Variants in STK38 observed in about 807,000 individuals in gnomAD.
STK38 encodes the protein serine/threonine-protein kinase 38.
A neutral mutation model predicts 59.0 loss-of-function variants in STK38; 26 were observed. That is an observed-to-expected ratio of 0.44 (90% CI 0.32 to 0.61). The LOEUF is 0.61. STK38 is among the 20% of genes least tolerant of loss of function. STK38 has a pLI of 0.04. For synonymous variants in STK38, 175 were observed against 176.6 expected (o/e 0.99, Z 0.07); for missense variants, 433 against 566.0 (o/e 0.76, Z 2.38).
intron 2 of STK38, among the ~76,000 whole-genome samples, chr6:36,536,500 C>CT (rs1466737626): frequency 6.6e-6 from 1 of 151,882 alleles, no homozygotes; most frequent in Admixed American, 6.6e-5. Context: ...GACCTTGACT[C>CT]TAAAAAAACA....
chr6:36,510,368 A>C (rs1437149996), intron 7 of STK38, among the ~76,000 whole-genome samples: 2 of 152,216 alleles, frequency 1.3e-5, no homozygotes, highest in Admixed American at 1.3e-4. Context: ...CTCGGCCTCA[A>C]CTTTGCTCTG....
intron 9 of STK38, among the ~76,000 whole-genome samples, chr6:36,501,553 C>CTTT (rs61042158): frequency 0.014 from 1,970 of 136,572 alleles, 81 homozygotes; most frequent in East Asian, 0.12. Context: ...GATCATTTGT[C>CTTT]TTTTTTTTTT....
intron 2 of STK38, among the ~76,000 whole-genome samples, chr6:36,538,252 C>T (rs1308032151): frequency 3.3e-5 from 5 of 149,388 alleles, no homozygotes; most frequent in African/African-American, 4.9e-5. Context: ...TACAGTGAGC[C>T]GAGATCACGC....
At chr6:36,506,465 T>C (rs1776964599) in intron 9 of STK38, 118 bp downstream of exon 9, 16 of 1,024,384 alleles carry the variant, frequency 1.6e-5, no homozygotes, top group Non-Finnish European at 2.3e-5. Flanking sequence ...TCTCTTTAGG[T>C]AATCTTAAAA....
intron 3 of STK38, 136 bp from the exon 4 acceptor site, chr6:36,524,599 C>G: frequency 1.2e-6 from 1 of 841,360 alleles, no homozygotes; most frequent in Admixed American, 3.1e-5. Flanking sequence ...CATATGAAAT[C>G]ACCCCAGAAG....
chr6:36,517,390 G>GT (rs576883135), intron 6 of STK38, among the ~76,000 whole-genome samples: 19 of 152,134 alleles, frequency 1.2e-4, no homozygotes, highest in Admixed American at 5.2e-4. Context: ...TGTCACTTGG[G>GT]TTATTGATCA....
intron 7 of STK38, among the ~76,000 whole-genome samples, chr6:36,509,560 G>T (rs776283505): frequency 4.8e-5 from 7 of 144,692 alleles, no homozygotes; most frequent in Admixed American, 7.6e-5. Flanking sequence ...TTAGGCCTCG[G>T]AACCTGGACT....
At chr6:36,534,134 C>T (rs1393174836) in intron 2 of STK38, among the ~76,000 whole-genome samples, 1 of 151,924 alleles carries the variant, frequency 6.6e-6, no homozygotes, top group African/African-American at 2.4e-5. Context: ...ACCCCTGAAA[C>T]GTAAAGTTAG....
At chr6:36,509,430 T>G (rs1158980246) in intron 7 of STK38, among the ~76,000 whole-genome samples, 1 of 152,178 alleles carries the variant, frequency 6.6e-6, no homozygotes, top group Non-Finnish European at 1.5e-5. Flanking sequence ...CTGGGAAGTT[T>G]TACAAAAGCT....
chr6:36,522,565 A>G (rs1777403200), intron 4 of STK38: 1 of 152,166 alleles, frequency 6.6e-6, no homozygotes, highest in African/African-American at 2.4e-5. Flanking sequence ...AAAGAAAAAC[A>G]AAAAATTCAG....
intron 9 of STK38, among the ~76,000 whole-genome samples, chr6:36,505,303 AT>A (rs1776938540): frequency 6.6e-6 from 1 of 152,162 alleles, no homozygotes; most frequent in African/African-American, 2.4e-5. Context: ...AAGATAAACC[AT>A]TTTTCAACCA....
chr6:36,506,453 A>G, intron 9 of STK38, 130 bp downstream of exon 9: 1 of 883,794 alleles, frequency 1.1e-6, no homozygotes. Flanking sequence ...TAACAACAGC[A>G]CTCTCTTTAG....
chr6:36,530,101 C>T (rs535605802), intron 2 of STK38, among the ~76,000 whole-genome samples: 1 of 151,898 alleles, frequency 6.6e-6, no homozygotes, highest in Non-Finnish European at 1.5e-5. Flanking sequence ...ATTAGCCGGG[C>T]GTGGTGGCAC....
At chr6:36,502,070 A>G (rs902695137) in intron 9 of STK38, among the ~76,000 whole-genome samples, 1 of 152,196 alleles carries the variant, frequency 6.6e-6, no homozygotes, top group Non-Finnish European at 1.5e-5. Flanking sequence ...CTGGTACTCC[A>G]TATCTCATCA....
chr6:36,509,197 G>C (rs1171676688), intron 7 of STK38, among the ~76,000 whole-genome samples: 1 of 152,210 alleles, frequency 6.6e-6, no homozygotes, highest in Non-Finnish European at 1.5e-5. Context: ...ACTGGAGCAT[G>C]AACAAGGTGA....
chr6:36,527,168 G>A, intron 2 of STK38, among the ~76,000 whole-genome samples: 1 of 138,262 alleles, frequency 7.2e-6, no homozygotes, highest in East Asian at 2.1e-4. Context: ...TGCCAGCCTG[G>A]GTGACAGAGC....
At chr6:36,504,255 G>A (rs1347942351) in intron 9 of STK38, among the ~76,000 whole-genome samples, 7 of 152,062 alleles carry the variant, frequency 4.6e-5, no homozygotes, top group African/African-American at 1.7e-4. Context: ...CAGTTACTGG[G>A]GCCTAAGGTT....
chr6:36,533,355 C>CA (rs772432451), intron 2 of STK38, among the ~76,000 whole-genome samples: 3 of 152,106 alleles, frequency 2.0e-5, no homozygotes, highest in Non-Finnish European at 4.4e-5. Context: ...GATAAGCAAC[C>CA]AAAAACAAAC....
intron 2 of STK38, among the ~76,000 whole-genome samples, chr6:36,526,976 A>G (rs1777529428): frequency 6.6e-6 from 1 of 150,948 alleles, no homozygotes; most frequent in Non-Finnish European, 1.5e-5. Flanking sequence ...GGTGGATCAT[A>G]AATTCAGGAG....
Sources: gnomAD v4.1 joint callset for allele counts (sites outside exome capture counted in the v4.1 genomes callset) on GRCh38, gnomAD v4.1.1 for gene constraint, MANE v1.5 for transcripts, NCBI Gene and HGNC (gene_info 2026-07-23, HGNC 2026-07-21) for gene names.